Variants in MEOX2 observed in about 807,000 individuals in gnomAD.
MEOX2 encodes the protein homeobox protein MOX-2.
In MEOX2, 11 loss-of-function variants were observed where a neutral mutation model predicts 27.0. That is an observed-to-expected ratio of 0.41 (90% CI 0.26 to 0.68). The LOEUF is 0.68. Ranked by LOEUF, MEOX2 falls within the 30% of genes least tolerant of loss-of-function variation. The pLI is 0.33. For missense variants in MEOX2, 436 were observed against 385.4 expected (o/e 1.13, Z -1.10); for synonymous variants, 189 against 155.4 (o/e 1.22, Z -1.61).
Position 15,686,633 on chromosome 7 carries a change from A to G in MEOX2, c.-231T>C. The stretch of plus-strand genomic sequence containing the variant: ...GCTTCCCTGAGCTACTCAGATGTCA[A>G]GAGTGGGAGAGGTTGAAGCCAAAAG... On this transcript the variant is annotated 5_prime_UTR_variant, in exon 1 of 3. Transcript: ENST00000262041. 1 of 544,644 alleles carries G rather than the reference A, an allele frequency of 1.8e-6. No homozygotes were observed. The highest frequency in any genetic ancestry group is 3.2e-6 in the Non-Finnish European group (1 of 309,198). The allele number at this position is 544,644 out of a possible 1,614,324, so 33.7% of individuals were successfully genotyped here. A position where few individuals can be genotyped will look rare whatever the true frequency, so the allele number is the denominator to read the frequency against.
chr7:15,639,450 T>C (rs1781528571), intron 1 of MEOX2, among the ~76,000 whole-genome samples: 1 of 152,088 alleles, frequency 6.6e-6, no homozygotes, highest in Non-Finnish European at 1.5e-5. Flanking sequence ...CAATTGATTG[T>C]GTCTTTTGCT....
At chr7:15,618,181 T>A (rs1187788522) in intron 2 of MEOX2, among the ~76,000 whole-genome samples, 2 of 152,152 alleles carry the variant, frequency 1.3e-5, no homozygotes, top group Admixed American at 1.3e-4. Flanking sequence ...TCGAATGGCT[T>A]CTTTCACCAT....
Position 15,631,214 on chromosome 7 carries a change from T to C in MEOX2, c.518-4296A>G, listed in dbSNP as rs78340665. 6.5e-3 allele frequency among the ~76,000 whole-genome samples: 989 copies of C among 151,534 alleles called. 3 individuals carry two copies. Among genetic ancestry groups the C allele is most frequent in the African/African-American group, 0.023 (940 of 41,442 alleles). On this transcript the variant is annotated intron_variant, in intron 1 of 2. Transcript: ENST00000262041. ...CATCGAGTTATAATTATTATTGTGA[T>C]AGTTTTCTTCAAAATGCAAAAAAAA... is the stretch of plus-strand genomic sequence containing the variant.
Position 15,612,205 on chromosome 7 carries a change from C to T in MEOX2, c.*182G>A, listed in dbSNP as rs1781043553. On this transcript the variant is annotated 3_prime_UTR_variant, in exon 3 of 3. Transcript: ENST00000262041. ...ACCTTCTCCATCTTCACTGTGGAAG[C>T]TCTTTAATAAGTGGCACTTTGTGTA... 1.6e-6 allele frequency: 1 copy of T among 607,760 alleles called. No individual in the cohort carries two copies. The highest frequency in any genetic ancestry group is 1.9e-5 in the African/African-American group (1 of 53,988). The allele number at this position is 607,760 out of a possible 1,614,324, so 37.6% of individuals were successfully genotyped here. A position where few individuals can be genotyped will look rare whatever the true frequency, so the allele number is the denominator to read the frequency against.
chr7:15,666,797 TATATATA>T (rs1247786734), intron 1 of MEOX2, among the ~76,000 whole-genome samples: 1 of 129,720 alleles, frequency 7.7e-6, no homozygotes, highest in Non-Finnish European at 1.6e-5. Flanking sequence ...TATATATATA[TATATATA>T]TATTCAAATG....
intron 1 of MEOX2, among the ~76,000 whole-genome samples, chr7:15,645,949 C>T (rs185806871): frequency 2.2e-4 from 34 of 152,142 alleles, no homozygotes; most frequent in African/African-American, 8.2e-4. Context: ...TCTTTAAGTA[C>T]AGGATCAAAG....
intron 1 of MEOX2, chr7:15,680,217 T>C (rs1232830356): frequency 2.0e-5 from 3 of 151,928 alleles, no homozygotes; most frequent in Admixed American, 2.0e-4. Flanking sequence ...AAAATACTTA[T>C]TCTGAAACAT....
chr7:15,683,396 C>T (rs890858660), intron 1 of MEOX2, among the ~76,000 whole-genome samples: 3 of 151,904 alleles, frequency 2.0e-5, no homozygotes, highest in African/African-American at 7.2e-5. Flanking sequence ...TTATCTAATA[C>T]AATTTTAAAT....
chr7:15,637,793 G>C (rs1781507761), intron 1 of MEOX2, among the ~76,000 whole-genome samples: 1 of 151,980 alleles, frequency 6.6e-6, no homozygotes, highest in Admixed American at 6.6e-5. Flanking sequence ...GCTACTTACT[G>C]TGTGGTCTTC....
intron 1 of MEOX2, among the ~76,000 whole-genome samples, chr7:15,662,038 C>T (rs192785302): frequency 2.6e-5 from 4 of 151,638 alleles, no homozygotes; most frequent in Admixed American, 2.0e-4. Context: ...ATCCTTACAC[C>T]CTGGAATTAA....
intron 1 of MEOX2, among the ~76,000 whole-genome samples, chr7:15,645,254 T>A (rs1204996191): frequency 6.6e-6 from 1 of 152,178 alleles, no homozygotes; most frequent in Non-Finnish European, 1.5e-5. Flanking sequence ...GCTATGCAAA[T>A]GTCATTGTAA....
chr7:15,630,227 ACT>A (rs1781380758), intron 1 of MEOX2, among the ~76,000 whole-genome samples: 1 of 152,074 alleles, frequency 6.6e-6, no homozygotes, highest in African/African-American at 2.4e-5. Context: ...GCTCCCTGGG[ACT>A]ACGCTAATGG....
At chr7:15,669,143 A>G (rs1014154306) in intron 1 of MEOX2, among the ~76,000 whole-genome samples, 13 of 152,234 alleles carry the variant, frequency 8.5e-5, no homozygotes, top group African/African-American at 2.9e-4. Context: ...TAAAGTTTCA[A>G]TATAAAAGTA....
rs954414611 is a variant in MEOX2, at chr7:15,626,024, T to A, written c.690+722A>T. On this transcript the variant is annotated intron_variant, in intron 2 of 2. Coordinates refer to ENST00000262041, the MANE Select transcript of MEOX2 (RefSeq NM_005924.5). The stretch of plus-strand genomic sequence containing the variant: ...AAGGGGCAGAAATATTTACCAATGA[T>A]CTATGTGTCCTTGCCTTTCATCATT... Among the ~76,000 whole-genome samples the A allele has an allele frequency of 1.3e-5, 2 of 152,174 alleles. 1 individual carries two copies.
At chr7:15,685,768 G>C in intron 1 of MEOX2, 118 bp downstream of exon 1, 1 of 1,378,718 alleles carries the variant, frequency 7.3e-7, no homozygotes, top group African/African-American at 1.4e-5. Context: ...AAGCCACAGA[G>C]GGCAACACAT....
At chr7:15,637,010 T>A (rs1781489223) in intron 1 of MEOX2, among the ~76,000 whole-genome samples, 1 of 152,070 alleles carries the variant, frequency 6.6e-6, no homozygotes, top group South Asian at 2.1e-4. Flanking sequence ...ACACGTGAAT[T>A]TTGGGAAACA....
intron 1 of MEOX2, among the ~76,000 whole-genome samples, chr7:15,647,222 T>C (rs1310637397): frequency 6.6e-6 from 1 of 152,024 alleles, no homozygotes; most frequent in Non-Finnish European, 1.5e-5. Flanking sequence ...AATCATCCAA[T>C]TCCCAGAAAT....
intron 2 of MEOX2, among the ~76,000 whole-genome samples, chr7:15,617,712 G>T (rs1180170190): frequency 6.6e-6 from 1 of 151,970 alleles, no homozygotes; most frequent in Non-Finnish European, 1.5e-5. Context: ...CATAACTGAA[G>T]GCTTAAGTCC....
intron 1 of MEOX2, among the ~76,000 whole-genome samples, chr7:15,657,357 G>T (rs1781839008): frequency 6.6e-6 from 1 of 152,032 alleles, no homozygotes; most frequent in South Asian, 2.1e-4. Flanking sequence ...CAGTCTCACA[G>T]ATCCATATGG....
Sources: allele counts gnomAD v4.1 joint callset (sites outside exome capture counted in the v4.1 genomes callset), GRCh38; gene constraint gnomAD v4.1.1; transcripts MANE v1.5; gene names NCBI Gene and HGNC (gene_info 2026-07-23, HGNC 2026-07-21).